CSE1L: variants seen among roughly 807,000 people sequenced by gnomAD.
CSE1L encodes exportin-2.
In CSE1L, 24 loss-of-function variants were observed where a neutral mutation model predicts 120.4. That is an observed-to-expected ratio of 0.20 (90% CI 0.14 to 0.28). The LOEUF (loss-of-function observed/expected upper bound fraction) is 0.28. CSE1L is among the 10% of genes least tolerant of loss of function. The pLI is 1.00. For synonymous variants in CSE1L, 402 were observed against 398.3 expected, an observed-to-expected ratio of 1.01 and a Z score of -0.11; for missense variants, 830 against 1,145.2, an observed-to-expected ratio of 0.72 and a Z score of 3.97.
chr20:49,061,030 CTT>C (rs1413424490), intron 2 of CSE1L, among the ~76,000 whole-genome samples: 3 of 151,942 alleles, frequency 2.0e-5, no homozygotes, highest in Admixed American at 6.6e-5. Context: ...CTAGAAAAGT[CTT>C]TGTGATTTTT....
intron 1 of CSE1L, among the ~76,000 whole-genome samples, chr20:49,055,580 G>A (rs1351267072): frequency 6.6e-6 from 1 of 152,118 alleles, no homozygotes; most frequent in African/African-American, 2.4e-5. Flanking sequence ...AGCCAGGCAT[G>A]GTTGATTGCG....
chr20:49,084,907 G>T (rs1600542642), intron 15 of CSE1L, among the ~76,000 whole-genome samples: 1 of 152,148 alleles, frequency 6.6e-6, no homozygotes, highest in Admixed American at 6.5e-5. Context: ...CTATCTTCAG[G>T]CCCAGAATTT....
intron 1 of CSE1L, among the ~76,000 whole-genome samples, chr20:49,056,532 C>T (rs1378934021): frequency 6.6e-6 from 1 of 152,238 alleles, no homozygotes; most frequent in East Asian, 1.9e-4. Context: ...TTAGAACACT[C>T]TGTCACCCCC....
chr20:49,081,251 G>T (rs1263488669), intron 14 of CSE1L, among the ~76,000 whole-genome samples: 2 of 151,982 alleles, frequency 1.3e-5, no homozygotes, highest in Non-Finnish European at 2.9e-5. Context: ...CTCCGAAAGT[G>T]CTGGGATTAT....
chr20:49,091,393 T>A (rs2092099960), intron 21 of CSE1L, among the ~76,000 whole-genome samples: 1 of 150,964 alleles, frequency 6.6e-6, no homozygotes, highest in Non-Finnish European at 1.5e-5. Context: ...CCCACTGCAC[T>A]CCATCCTAGG....
chr20:49,067,248 G>A lies in CSE1L; in HGVS notation c.535G>A (p.Ala179Thr), dbSNP rs1331056255. ...LWTEIKLVLD[A>T]FALPLTNLFK... is the part of the protein sequence containing the mutation. ...GACTGAAATTAAGCTTGTTCTGGAT[G>A]CCTTTGCTTTGCCTTTGACTAATCT... Residue 179 changes from alanine to threonine, a missense_variant, in exon 6 of 25, where the codon GCC becomes ACC. Ala to Thr is a moderately conservative substitution (Grantham distance 58, BLOSUM62 0). Around this residue, in one of 4 missense-constraint regions of CSE1L, gnomAD observed 543 missense variants for 640.2 expected, o/e 0.85. Transcript: ENST00000262982. The A allele has an allele frequency of 6.2e-7, 1 of 1,611,250 alleles. No individual in the cohort carries two copies.
chr20:49,067,031 C>CAAAAA (rs60161542), intron 5 of CSE1L, among the ~76,000 whole-genome samples, 159 bp from the exon 6 acceptor site: 2,944 of 100,268 alleles, frequency 0.029, 352 homozygotes, highest in Middle Eastern at 0.089. Context: ...GACTCCGTCT[C>CAAAAA]AAAAAAAAAA....
intron 12 of CSE1L, among the ~76,000 whole-genome samples, chr20:49,075,926 A>C (rs1299678936): frequency 6.6e-6 from 1 of 150,548 alleles, no homozygotes; most frequent in Non-Finnish European, 1.5e-5. Flanking sequence ...CCACCTCCCG[A>C]GTTCGAGCGA....
intron 2 of CSE1L, among the ~76,000 whole-genome samples, chr20:49,062,142 A>G (rs1444632514): frequency 2.0e-5 from 3 of 152,158 alleles, no homozygotes; most frequent in Admixed American, 2.0e-4. Context: ...CCTGTACAAA[A>G]TGCTGGCTAC....
chr20:49,078,112 C>G (rs2123724725), intron 13 of CSE1L, among the ~76,000 whole-genome samples: 1 of 152,226 alleles, frequency 6.6e-6, no homozygotes, highest in East Asian at 1.9e-4. Context: ...TATGTACACC[C>G]AAAGGTGAAG....
intron 1 of CSE1L, among the ~76,000 whole-genome samples, chr20:49,054,976 C>G (rs2091795126): frequency 6.6e-6 from 1 of 152,266 alleles, no homozygotes; most frequent in Non-Finnish European, 1.5e-5. Flanking sequence ...TGGATGGCCA[C>G]ATAACCCCGT....
intron 21 of CSE1L, among the ~76,000 whole-genome samples, chr20:49,091,348 C>T (rs144756219): frequency 0.011 from 1,722 of 151,942 alleles, 13 homozygotes; most frequent in Non-Finnish European, 0.019. Flanking sequence ...TCACCTAAGT[C>T]CCAGAGGTTG....
chr20:49,055,404 A>T (rs546844758), intron 1 of CSE1L, among the ~76,000 whole-genome samples: 4 of 152,156 alleles, frequency 2.6e-5, no homozygotes, highest in Non-Finnish European at 5.9e-5. Context: ...ACTTGATTGC[A>T]TATTGTCATA....
chr20:49,067,199 T>C lies in CSE1L; in HGVS notation c.486T>C (p.His162=). The stretch of plus-strand genomic sequence containing the variant: ...TACCTTAATTTTCTAGATACCGTCA[T>C]GAATTTAAGTCAAACGAGTTATGGA... ...TAHSLFKRYR[H]EFKSNELWTE... Residue 162 remains histidine (H), a synonymous_variant, in exon 6 of 25, where the codon CAT becomes CAC. Transcript: ENST00000262982. 1 of 1,605,196 alleles carries C rather than the reference T, an allele frequency of 6.2e-7. No individual in the cohort carries two copies. The highest frequency in any genetic ancestry group is 1.7e-5 in the Admixed American group (1 of 59,356).
chr20:49,049,518 G>A (rs1383830397), intron 1 of CSE1L, among the ~76,000 whole-genome samples: 1 of 152,084 alleles, frequency 6.6e-6, no homozygotes. Flanking sequence ...GTCATTTTTA[G>A]ATCAGTAACA....
At chr20:49,084,351 T>C (rs2092037212) in intron 15 of CSE1L, among the ~76,000 whole-genome samples, 189 bp downstream of exon 15, 1 of 152,196 alleles carries the variant, frequency 6.6e-6, no homozygotes, top group South Asian at 2.1e-4. Context: ...GACAATACAA[T>C]TTAATAAACT....
Position 49,066,281 on chromosome 20 carries a change from AATTCAG to A in CSE1L, c.320_325del (p.Ile107_Gln108del). ...ACTTGATGCTTAGCAGCCCAGAGCAAATTCAGAAGCAGGTAATGTCGCTCCACTTTT... is the reference window on the plus strand; with the variant it reads ...ACTTGATGCTTAGCAGCCCAGAGCAAAAGCAGGTAATGTCGCTCCACTTTT... On this transcript the variant is annotated inframe_deletion, in exon 4 of 25. Transcript: ENST00000262982. The A allele has an allele frequency of 6.2e-7, 1 of 1,614,226 alleles. No homozygotes were observed. The highest frequency in any genetic ancestry group is 8.5e-7 in the Non-Finnish European group (1 of 1,180,030).
intron 16 of CSE1L, 22 bp from the exon 17 acceptor site, chr20:49,087,987 T>TGGG: frequency 2.0e-6 from 3 of 1,494,278 alleles, no homozygotes; most frequent in Non-Finnish European, 2.8e-6. Context: ...CTATTTGTTT[T>TGGG]TGCTGTTTTT....
At chr20:49,095,236 A>AT in intron 24 of CSE1L, 1 of 483,776 alleles carries the variant, frequency 2.1e-6, no homozygotes, top group Non-Finnish European at 3.7e-6. Flanking sequence ...GTATAGTTGC[A>AT]TTTTGTCAGC....
Sources: gnomAD v4.1 joint callset for allele counts (sites outside exome capture counted in the v4.1 genomes callset) on GRCh38, gnomAD v4.1.1 for gene constraint, gnomAD v4.1.1 regional missense constraint, MANE v1.5 for transcripts, NCBI Gene and HGNC (gene_info 2026-07-23, HGNC 2026-07-21) for gene names.